Variants in FUT8 observed in about 807,000 individuals in gnomAD.
FUT8 encodes fucosyltransferase 8.
A neutral mutation model predicts 71.3 loss-of-function variants in FUT8; 29 were observed. The ratio of observed to expected loss-of-function variants is 0.41; its 90% confidence interval spans 0.30 to 0.55. The LOEUF (loss-of-function observed/expected upper bound fraction) is 0.55. Ranked by LOEUF, FUT8 falls within the 20% of genes least tolerant of loss-of-function variation. FUT8 has a pLI of 0.34. For synonymous variants in FUT8, 254 were observed against 239.3 expected (o/e 1.06, Z -0.57); for missense variants, 544 against 702.1 (o/e 0.77, Z 2.55).
chr14:65,575,564 CTTCT>C (rs1886711120), intron 3 of FUT8, among the ~76,000 whole-genome samples: 4 of 5,004 alleles, frequency 8.0e-4, no homozygotes, highest in South Asian at 5.6e-3. Context: ...TCCTCCCTCC[CTTCT>C]TTCCTTCCTT....
intron 2 of FUT8, among the ~76,000 whole-genome samples, chr14:65,553,828 A>T (rs1885428662): frequency 6.7e-6 from 1 of 149,892 alleles, no homozygotes; most frequent in Non-Finnish European, 1.5e-5. Flanking sequence ...CTTTTTTCCT[A>T]GTTACCTGAA....
At chr14:65,630,964 T>G (rs7145834) in intron 6 of FUT8, among the ~76,000 whole-genome samples, 9,768 of 152,296 alleles carry the variant, frequency 0.064, 587 homozygotes, top group African/African-American at 0.15. Context: ...GATATGGTTC[T>G]GTATATTTTA....
At position 65,616,025 on chromosome 14, in the gene FUT8, G is replaced by A. The variant is rs757041953; in HGVS notation, c.251G>A (p.Arg84His). 12 of 1,614,032 alleles carry A rather than the reference G, an allele frequency of 7.4e-6. No individual in the cohort carries two copies. Among genetic ancestry groups the A allele is most frequent in the Admixed American group, 5.0e-5 (3 of 60,016 alleles). Residue 84 changes from arginine to histidine, a missense_variant, in exon 4 of 11, where the codon CGC becomes CAC. Coordinates refer to ENST00000673929, the MANE Select transcript of FUT8 (RefSeq NM_001371533.1). ...CAGGGGCCAGCTATAGGAAGAGTAC[G>A]CGTTTTAGAAGAGCAGCTTGTTAAG... ...IDQGPAIGRV[R>H]VLEEQLVKAK... is the part of the protein sequence containing the mutation.
intron 2 of FUT8, among the ~76,000 whole-genome samples, chr14:65,541,457 G>A (rs894414777): frequency 6.6e-6 from 1 of 152,212 alleles, no homozygotes; most frequent in Non-Finnish European, 1.5e-5. Flanking sequence ...GGCCTTCGGA[G>A]GGGATTGCTG....
chr14:65,524,348 G>A (rs1883295451), intron 2 of FUT8, among the ~76,000 whole-genome samples: 2 of 152,184 alleles, frequency 1.3e-5, no homozygotes, highest in African/African-American at 4.8e-5. Flanking sequence ...GTGAATGGGA[G>A]TTCACCCATG....
intron 6 of FUT8, among the ~76,000 whole-genome samples, chr14:65,645,306 T>G (rs1390768782): frequency 6.6e-6 from 1 of 152,218 alleles, no homozygotes; most frequent in Admixed American, 6.5e-5. Context: ...AGAAAAATAA[T>G]TTTTAATTAA....
chr14:65,604,947 CTT>C (rs141018312), intron 3 of FUT8, among the ~76,000 whole-genome samples: 2,678 of 151,808 alleles, frequency 0.018, 90 homozygotes, highest in African/African-American at 0.061. Context: ...GTTTTTATAT[CTT>C]TTTAAAATTT....
intron 6 of FUT8, among the ~76,000 whole-genome samples, chr14:65,666,527 G>C (rs1017882597): frequency 6.6e-6 from 1 of 152,102 alleles, no homozygotes; most frequent in Non-Finnish European, 1.5e-5. Flanking sequence ...TTCTGAAATT[G>C]AATCAGTAAT....
rs552790534 is a variant in FUT8, at chr14:65,459,095, C to T, written c.-228+3377C>T. Among the ~76,000 whole-genome samples the T allele has an allele frequency of 1.3e-5, 2 of 152,246 alleles. 1 individual carries two copies. The highest frequency in any genetic ancestry group is 4.1e-4 in the South Asian group (2 of 4,824). On this transcript the variant is annotated intron_variant, in intron 2 of 10. Coordinates refer to ENST00000673929, the MANE Select transcript of FUT8 (RefSeq NM_001371533.1). ...TGAGGCACTGTGCCCGGTCAGAGAACATTTCTTAAATAGACAAAACATTTT... is the reference window on the plus strand; with the variant it reads ...TGAGGCACTGTGCCCGGTCAGAGAATATTTCTTAAATAGACAAAACATTTT...
intron 2 of FUT8, among the ~76,000 whole-genome samples, chr14:65,505,601 C>T (rs574978163): frequency 7.9e-5 from 12 of 152,118 alleles, no homozygotes; most frequent in East Asian, 1.9e-4. Flanking sequence ...AGTGAGCTAC[C>T]GTGCCCGGCC....
chr14:65,394,347 A>G, the FUT8 span, among the ~76,000 whole-genome samples: 1 of 152,120 alleles, frequency 6.6e-6, no homozygotes, highest in South Asian at 2.1e-4. Flanking sequence ...CTATGATTCA[A>G]TTATCTCTCA....
At position 65,742,955 on chromosome 14, in the gene FUT8, GT is replaced by G. The variant is rs397779883; in HGVS notation, c.*558del. The G allele has an allele frequency of 0.036, 5,078 of 139,452 alleles. 99 individuals are homozygous for G. Among genetic ancestry groups the G allele is most frequent in the African/African-American group, 0.048 (1,852 of 38,346 alleles). The allele number at this position is 139,452 out of a possible 1,614,324, so 8.6% of individuals were successfully genotyped here. Reference sequence around the variant, plus strand: ...TGTTTTTTCCTTTATAAGGTTGTCTGTTTTTTTTTTTTTAAATAATTGCATC... The same window carrying G: ...TGTTTTTTCCTTTATAAGGTTGTCTGTTTTTTTTTTTTAAATAATTGCATC... On this transcript the variant is annotated 3_prime_UTR_variant, in exon 11 of 11. Transcript: ENST00000673929.
Position 65,535,852 on chromosome 14 carries a change from A to G in FUT8, c.-227-25485A>G, listed in dbSNP as rs955169944. Among the ~76,000 whole-genome samples the G allele has an allele frequency of 2.6e-5, 4 of 152,160 alleles. No individual in the cohort carries two copies. In the South Asian group the frequency reaches 8.3e-4, roughly 32 times the overall value. On this transcript the variant is annotated intron_variant, in intron 2 of 10. Coordinates refer to ENST00000673929, the MANE Select transcript of FUT8 (RefSeq NM_001371533.1). ...ATATCTTTGTTAATTTTTTATCTCA[A>G]TGATCTGTCTAATACTGTTGGTGAG...
intron 2 of FUT8, among the ~76,000 whole-genome samples, chr14:65,552,222 G>A (rs1445524309): frequency 6.6e-6 from 1 of 152,074 alleles, no homozygotes; most frequent in African/African-American, 2.4e-5. Context: ...GCTGTAAGAA[G>A]AGGCTTTTTT....
chr14:65,624,846 C>T (rs1889811990), intron 5 of FUT8, among the ~76,000 whole-genome samples: 1 of 152,164 alleles, frequency 6.6e-6, no homozygotes, highest in African/African-American at 2.4e-5. Flanking sequence ...AGGCCAGTCA[C>T]CTGAGGTCAG....
At chr14:65,724,523 G>A (rs1207606881) in intron 9 of FUT8, among the ~76,000 whole-genome samples, 200 bp downstream of exon 9, 2 of 152,152 alleles carry the variant, frequency 1.3e-5, no homozygotes, top group East Asian at 3.8e-4. Flanking sequence ...TGCCTTATAA[G>A]AAGTCTAAAA....
intron 3 of FUT8, among the ~76,000 whole-genome samples, chr14:65,579,882 A>G (rs990537756): frequency 1.3e-5 from 2 of 151,996 alleles, no homozygotes; most frequent in African/African-American, 2.4e-5. Context: ...ATGCACTTCC[A>G]TTTAAAGGAA....
At chr14:65,512,925 A>AG in intron 2 of FUT8, among the ~76,000 whole-genome samples, 1 of 150,662 alleles carries the variant, frequency 6.6e-6, no homozygotes, top group East Asian at 2.0e-4. Context: ...AAAAAAAAAA[A>AG]GAAAAAGAAA....
chr14:65,682,206 C>T (rs578238445), intron 7 of FUT8, among the ~76,000 whole-genome samples: 22 of 152,278 alleles, frequency 1.4e-4, no homozygotes, highest in African/African-American at 4.8e-4. Flanking sequence ...AAGATTTAAA[C>T]AAGAATCCCA....
Sources: allele counts gnomAD v4.1 joint callset (sites outside exome capture counted in the v4.1 genomes callset), GRCh38; gene constraint gnomAD v4.1.1; transcripts MANE v1.5; gene names NCBI Gene and HGNC (gene_info 2026-07-23, HGNC 2026-07-21).